NACC2: variants seen among roughly 807,000 people sequenced by gnomAD.
NACC2 encodes NACC family member 2, also known as nucleus accumbens-associated protein 2.
A neutral mutation model predicts 25.1 loss-of-function variants in NACC2; 8 were observed. That is an observed-to-expected ratio of 0.32 (90% CI 0.19 to 0.57). NACC2 has a LOEUF of 0.57. NACC2 is among the 20% of genes least tolerant of loss of function. The pLI is 0.89. For missense variants in NACC2, 644 were observed against 650.2 expected (o/e 0.99, Z 0.10); for synonymous variants, 435 against 294.7 (o/e 1.48, Z -4.88).
intron 2 of NACC2, among the ~76,000 whole-genome samples, chr9:136,041,419 G>GA (rs1307266023): frequency 0.023 from 2,935 of 128,690 alleles, 92 homozygotes; most frequent in African/African-American, 0.076. Flanking sequence ...CATGATCTGA[G>GA]AAAAAAAAAA....
At chr9:136,059,561 A>T (rs956768879) in intron 1 of NACC2, among the ~76,000 whole-genome samples, 7 of 152,186 alleles carry the variant, frequency 4.6e-5, no homozygotes, top group Admixed American at 6.5e-5. Flanking sequence ...AGTCGGCTAG[A>T]CGTTAAACAA....
rs13290816 is a variant in NACC2 at position 136,011,111 on chromosome 9, C to G, written c.*405G>C. 6.3e-6 allele frequency: 1 copy of G among 158,522 alleles called. No individual in the cohort carries two copies. The highest frequency in any genetic ancestry group is 2.4e-5 in the African/African-American group (1 of 41,710). 9.8% of individuals were successfully genotyped at this position (158,522 alleles called of 1,614,324 possible). A position where few individuals can be genotyped will look rare whatever the true frequency, so the allele number is the denominator to read the frequency against. On this transcript the variant is annotated 3_prime_UTR_variant, in exon 6 of 6. Coordinates refer to ENST00000277554, the MANE Select transcript of NACC2 (RefSeq NM_144653.5). ...GAAGGAAGGGTCAGTGACGCACAGC[C>G]CAGCCCCCTCGCCACAGACCACCGC...
intron 1 of NACC2, among the ~76,000 whole-genome samples, chr9:136,091,118 G>A (rs1221943471): frequency 6.6e-6 from 1 of 152,210 alleles, no homozygotes; most frequent in African/African-American, 2.4e-5. Context: ...AGAAAAGCCT[G>A]CCTCTTGTTC....
At chr9:136,088,612 T>G (rs371939982) in intron 1 of NACC2, among the ~76,000 whole-genome samples, 2 of 152,292 alleles carry the variant, frequency 1.3e-5, no homozygotes, top group South Asian at 4.1e-4. Flanking sequence ...AGCAGGGGCT[T>G]CACTGCCATC....
At chr9:136,067,744 A>T (rs1841103785) in intron 1 of NACC2, among the ~76,000 whole-genome samples, 1 of 152,218 alleles carries the variant, frequency 6.6e-6, no homozygotes, top group African/African-American at 2.4e-5. Context: ...CTGAGGCAGG[A>T]GAATCACTTG....
In NACC2 at chr9:136,018,366, C is replaced by T. The variant is rs1840234158; in HGVS notation, c.887-1937G>A. ...GCACCCAGCGCCTGTCAGGGAGGGG[C>T]AGGCCACCCAGCCCTGGGGGGCTGA... On this transcript the variant is annotated intron_variant, in intron 2 of 5. Transcript: ENST00000277554. The surrounding 1 kb of genome is among the most constrained non-coding windows in gnomAD (Gnocchi z 4.4). Among the ~76,000 whole-genome samples the T allele has an allele frequency of 6.6e-6, 1 of 152,022 alleles. No individual in the cohort carries two copies. Among genetic ancestry groups the T allele is most frequent in the Non-Finnish European group, 1.5e-5 (1 of 67,974 alleles).
intron 1 of NACC2, among the ~76,000 whole-genome samples, chr9:136,068,166 C>T (rs1247539936): frequency 2.0e-5 from 3 of 152,024 alleles, no homozygotes; most frequent in Admixed American, 6.6e-5. Context: ...GTATAAACAC[C>T]GAACATTTAG....
intron 1 of NACC2, among the ~76,000 whole-genome samples, chr9:136,079,023 T>A (rs1190774175): frequency 6.6e-6 from 1 of 151,478 alleles, no homozygotes; most frequent in Non-Finnish European, 1.5e-5. Flanking sequence ...GCACTGAAGG[T>A]AAATATGTTA....
intron 1 of NACC2, among the ~76,000 whole-genome samples, chr9:136,089,011 A>G (rs1185909820): frequency 2.0e-5 from 3 of 152,252 alleles, no homozygotes; most frequent in African/African-American, 7.2e-5. Flanking sequence ...CTAAGTAATC[A>G]TATTTTAAAT....
At chr9:136,067,759 C>T (rs564441990) in intron 1 of NACC2, among the ~76,000 whole-genome samples, 15 of 152,266 alleles carry the variant, frequency 9.9e-5, no homozygotes, top group Admixed American at 3.3e-4. Context: ...CACTTGAACC[C>T]GGGAGGCGGA....
At chr9:136,075,469 G>A (rs999951641) in intron 1 of NACC2, among the ~76,000 whole-genome samples, 3 of 152,240 alleles carry the variant, frequency 2.0e-5, no homozygotes, top group Non-Finnish European at 4.4e-5. Flanking sequence ...CGTCGGCAGC[G>A]GCTCCGTGTG....
At chr9:136,085,859 C>T (rs1453319568) in intron 1 of NACC2, among the ~76,000 whole-genome samples, 1 of 152,272 alleles carries the variant, frequency 6.6e-6, no homozygotes, top group Non-Finnish European at 1.5e-5. Context: ...CCTGAACTCA[C>T]TGTGGAAACA....
chr9:136,094,719 G>A (rs1303726266), intron 1 of NACC2, among the ~76,000 whole-genome samples: 1 of 151,850 alleles, frequency 6.6e-6, no homozygotes, highest in Non-Finnish European at 1.5e-5. Context: ...AGGCAGCTGC[G>A]CAGATGCGCC....
intron 1 of NACC2, among the ~76,000 whole-genome samples, chr9:136,094,808 T>C (rs1830471508): frequency 6.6e-6 from 1 of 151,688 alleles, no homozygotes. Context: ...GATCGGCCAG[T>C]CGGGTCCCTG....
chr9:136,059,662 A>C (rs1840980685), intron 1 of NACC2, among the ~76,000 whole-genome samples: 1 of 152,346 alleles, frequency 6.6e-6, no homozygotes. Context: ...CCAGCCGGCC[A>C]CGGGGACACC....
At position 136,016,389 on chromosome 9, in the gene NACC2, G is replaced by A. The variant is rs771369822; in HGVS notation, c.927C>T (p.Ser309=). ...CGAGGTCGCGGCGGATGAGGACGCA[G>A]GAGCGGCTCTCCAGCGGCACTGGCT... ...KPEPVPLESR[S]CVLIRRDLVA... is the part of the protein sequence containing the mutation. Residue 309 remains serine, a synonymous_variant, in exon 3 of 6, where the codon TCC becomes TCT. Coordinates refer to ENST00000277554, the MANE Select transcript of NACC2 (RefSeq NM_144653.5). 6.2e-7 allele frequency: 1 copy of A among 1,611,310 alleles called. No homozygotes were observed. The highest frequency in any genetic ancestry group is 8.5e-7 in the Non-Finnish European group (1 of 1,179,844).
intron 1 of NACC2, among the ~76,000 whole-genome samples, chr9:136,081,841 G>A (rs544032465): frequency 5.9e-5 from 9 of 152,258 alleles, no homozygotes; most frequent in South Asian, 2.1e-4. Context: ...AGGGCAAGGC[G>A]GGGAGGGCAG....
rs144630488 is a variant in NACC2 at position 136,090,340 on chromosome 9, C to T, written c.-60+4849G>A. Among the ~76,000 whole-genome samples, 614 of 152,308 alleles carry T rather than the reference C, an allele frequency of 4.0e-3. 7 individuals are homozygous for T. The highest frequency in any genetic ancestry group is 0.014 in the African/African-American group (590 of 41,576). Reference sequence around the variant, plus strand: ...GGCCAACGCTGACTCCCTCCAAGACCGCCGCAGAAGAACCAAGGAAGGCCC... The same window carrying T: ...GGCCAACGCTGACTCCCTCCAAGACTGCCGCAGAAGAACCAAGGAAGGCCC... On this transcript the variant is annotated intron_variant, in intron 1 of 5. Coordinates refer to ENST00000277554, the MANE Select transcript of NACC2 (RefSeq NM_144653.5).
chr9:136,045,839 T>C (rs1840714436), intron 2 of NACC2, among the ~76,000 whole-genome samples: 1 of 152,086 alleles, frequency 6.6e-6, no homozygotes. Context: ...TGGATCCAGA[T>C]GTGCCAAGGA....
Sources: gnomAD v4.1 joint callset for allele counts (sites outside exome capture counted in the v4.1 genomes callset) on GRCh38, gnomAD v4.1.1 for gene constraint, Gnocchi (gnomAD v3.1) non-coding constraint, MANE v1.5 for transcripts, NCBI Gene and HGNC (gene_info 2026-07-23, HGNC 2026-07-21) for gene names.